Variants in GATB observed in about 807,000 individuals in gnomAD.
GATB encodes glutamyl-tRNA amidotransferase subunit B.
A neutral mutation model predicts 62.3 loss-of-function variants in GATB; 39 were observed. The ratio of observed to expected loss-of-function variants is 0.63; its 90% CI spans 0.48 to 0.82. GATB has a LOEUF of 0.82. GATB is among the 40% of genes least tolerant of loss of function. The probability of loss-of-function intolerance (pLI) is 0.00; values close to 1 mark genes in which losing one functional copy is unlikely to be tolerated. For synonymous variants in GATB, 276 were observed against 258.9 expected (o/e 1.07, Z -0.63); for missense variants, 670 against 684.0 (o/e 0.98, Z 0.23).
chr4:151,671,723 C>T (rs1206818212), intron 12 of GATB, among the ~76,000 whole-genome samples: 1 of 152,082 alleles, frequency 6.6e-6, no homozygotes, highest in Non-Finnish European at 1.5e-5. Flanking sequence ...CTTTCCTTCT[C>T]CCCCTGCTCC....
At chr4:151,744,575 C>T (rs1739559015) in intron 2 of GATB, among the ~76,000 whole-genome samples, 1 of 151,810 alleles carries the variant, frequency 6.6e-6, no homozygotes, top group Non-Finnish European at 1.5e-5. Context: ...CATGGTGGGG[C>T]CCTGTCTCTA....
intron 2 of GATB, chr4:151,722,099 A>T (rs1739043885): frequency 1.5e-6 from 1 of 666,236 alleles, no homozygotes; most frequent in Non-Finnish European, 2.7e-6. Context: ...GAATGCCAAG[A>T]AAAAAAGGAA....
At chr4:151,752,554 G>A (rs1739740733) in intron 2 of GATB, among the ~76,000 whole-genome samples, 1 of 152,036 alleles carries the variant, frequency 6.6e-6, no homozygotes, top group South Asian at 2.1e-4. Flanking sequence ...ACTTTCCCAG[G>A]GGAAGGAGAG....
At chr4:151,757,592 C>A (rs1739860471) in intron 2 of GATB, among the ~76,000 whole-genome samples, 1 of 151,584 alleles carries the variant, frequency 6.6e-6, no homozygotes, top group Non-Finnish European at 1.5e-5. Flanking sequence ...CCTGCCTCAG[C>A]CTCCCCAGTA....
At chr4:151,744,408 C>T (rs1739554925) in intron 2 of GATB, among the ~76,000 whole-genome samples, 1 of 152,008 alleles carries the variant, frequency 6.6e-6, no homozygotes, top group South Asian at 2.1e-4. Flanking sequence ...AAACAACATA[C>T]ATAAAACATA....
intron 2 of GATB, chr4:151,719,803 G>C (rs778078499): frequency 2.6e-5 from 8 of 311,336 alleles, no homozygotes; most frequent in African/African-American, 6.7e-5. Context: ...CCAGTGCCCG[G>C]CATCAAAGCT....
chr4:151,754,780 A>G (rs1322179595), intron 2 of GATB, among the ~76,000 whole-genome samples: 1 of 152,190 alleles, frequency 6.6e-6, no homozygotes, highest in Admixed American at 6.5e-5. Flanking sequence ...TAATTCAGAA[A>G]TAATTTTATC....
intron 11 of GATB, chr4:151,675,604 T>A (rs2057809397): frequency 6.6e-6 from 1 of 152,174 alleles, no homozygotes; most frequent in African/African-American, 2.4e-5. Flanking sequence ...GCAGCATAAA[T>A]CCTCAGCTTT....
At chr4:151,685,460 G>A (rs926747405) in intron 10 of GATB, among the ~76,000 whole-genome samples, 14 of 152,090 alleles carry the variant, frequency 9.2e-5, no homozygotes, top group African/African-American at 1.7e-4. Flanking sequence ...TCCCTATTCC[G>A]GCTCAGCTCT....
Position 151,671,267 on chromosome 4 carries a change from T to G in GATB, c.1581A>C (p.Ile527=). 1 of 1,613,962 alleles carries G rather than the reference T, an allele frequency of 6.2e-7. No homozygotes were observed. Among genetic ancestry groups the G allele is most frequent in the African/African-American group, 1.3e-5 (1 of 75,014 alleles). The change falls in exon 13 of 13, where the codon ATA becomes ATC. Residue 527 remains isoleucine, a synonymous_variant. Coordinates refer to ENST00000263985, the MANE Select transcript of GATB (RefSeq NM_004564.3). ...TCCGGACCAACCCAATCAGTTTATT[T>G]ATAGCTCTGGGGTTTCTGTTCTTCA... The part of the protein sequence containing the change: ...MDVKNRNPRA[I]NKLIGLVRKA...
intron 10 of GATB, 40 bp downstream of exon 10, chr4:151,688,590 C>T: frequency 3.2e-6 from 5 of 1,581,600 alleles, no homozygotes; most frequent in Non-Finnish European, 4.3e-6. Context: ...CTGGACAGAG[C>T]TCATCACAAA....
intron 5 of GATB, among the ~76,000 whole-genome samples, chr4:151,715,692 T>G (rs956110323): frequency 6.6e-6 from 1 of 152,180 alleles, no homozygotes; most frequent in Non-Finnish European, 1.5e-5. Flanking sequence ...CTAAGAACTG[T>G]TCTTGATAAA....
intron 4 of GATB, chr4:151,716,378 G>A: frequency 2.3e-6 from 1 of 433,814 alleles, no homozygotes; most frequent in African/African-American, 2.1e-5. Flanking sequence ...GAACTTTTGA[G>A]CTCAAGTGAT....
chr4:151,750,569 A>G (rs1265272817), intron 2 of GATB, among the ~76,000 whole-genome samples: 2 of 152,212 alleles, frequency 1.3e-5, no homozygotes, highest in Non-Finnish European at 2.9e-5. Flanking sequence ...AGATAAGAGA[A>G]TAACAATATG....
chr4:151,726,679 A>G (rs77169211), intron 2 of GATB, among the ~76,000 whole-genome samples: 2,006 of 152,254 alleles, frequency 0.013, 40 homozygotes, highest in African/African-American at 0.046. Flanking sequence ...GGCAGGTTCA[A>G]CTATCCTCAG....
chr4:151,735,646 G>A (rs537927637), intron 2 of GATB, among the ~76,000 whole-genome samples: 14 of 150,430 alleles, frequency 9.3e-5, no homozygotes, highest in East Asian at 7.8e-4. Context: ...ACTTGCACAC[G>A]CATGTTTATA....
intron 10 of GATB, among the ~76,000 whole-genome samples, chr4:151,683,102 G>C (rs911675961): frequency 1.3e-5 from 2 of 152,176 alleles, no homozygotes; most frequent in Non-Finnish European, 2.9e-5. Context: ...CCTGTGGCTT[G>C]AATCTCACAG....
intron 10 of GATB, among the ~76,000 whole-genome samples, chr4:151,684,352 A>C (rs747662647): frequency 1.3e-5 from 2 of 152,244 alleles, no homozygotes; most frequent in Non-Finnish European, 2.9e-5. Context: ...GAAGCTGTCA[A>C]CCAAATAAAC....
At chr4:151,742,242 T>C (rs1864301) in intron 2 of GATB, among the ~76,000 whole-genome samples, 88,854 of 151,884 alleles carry the variant, frequency 0.59, 28,354 homozygotes, top group African/African-American at 0.86. Context: ...GCGCCCGCCA[T>C]CGCACCCGGC....
Sources: allele counts gnomAD v4.1 joint callset (sites outside exome capture counted in the v4.1 genomes callset), GRCh38; gene constraint gnomAD v4.1.1; transcripts MANE v1.5; gene names NCBI Gene and HGNC (gene_info 2026-07-23, HGNC 2026-07-21).